AK7: variants seen among roughly 807,000 people sequenced by gnomAD.
AK7 encodes the protein adenylate kinase 7.
Under a neutral mutation model 96.6 loss-of-function variants are expected in AK7, and 78 were observed. The ratio of observed to expected loss-of-function variants is 0.81; its 90% CI spans 0.67 to 0.97. The LOEUF (loss-of-function observed/expected upper bound fraction) is 0.97, where lower values mean the gene tolerates loss of function less well. Among genes scored for constraint, AK7 ranks in the 50% least tolerant of loss-of-function variants. The probability of loss-of-function intolerance (pLI) is 0.00; values close to 1 mark genes in which losing one functional copy is unlikely to be tolerated. For missense variants in AK7, 855 were observed against 887.9 expected (o/e 0.96, Z 0.47); for synonymous variants, 302 against 317.2 (o/e 0.95, Z 0.51).
Position 96,483,132 on chromosome 14 carries a change from G to A in AK7, c.1887G>A (p.Arg629=), listed in dbSNP as rs752016722. The part of the protein sequence containing the change: ...AEEERKAAEE[R]LAREAAEEAE... ...AGGAGCGGAAGGCTGCGGAGGAGCGGCTGGCCAGGGAGGCTGCTGAGGAAG... is the reference window on the plus strand; with the variant it reads ...AGGAGCGGAAGGCTGCGGAGGAGCGACTGGCCAGGGAGGCTGCTGAGGAAG... The change falls in exon 16 of 18, where the codon CGG becomes CGA. Residue 629 remains arginine, a synonymous_variant. Coordinates refer to ENST00000267584, the MANE Select transcript of AK7 (RefSeq NM_152327.5). The A allele has an allele frequency of 6.8e-6, 11 of 1,614,062 alleles. No homozygotes were observed. The highest frequency in any genetic ancestry group is 1.6e-4 in the Middle Eastern group (1 of 6,062).
At chr14:96,396,846 G>A (rs1232272805) in intron 1 of AK7, among the ~76,000 whole-genome samples, 2 of 152,194 alleles carry the variant, frequency 1.3e-5, no homozygotes, top group African/African-American at 4.8e-5. Context: ...GTAGCCACTG[G>A]CCACATGTAG....
intron 6 of AK7, among the ~76,000 whole-genome samples, chr14:96,441,065 AGC>A (rs779280237): frequency 4.5e-4 from 69 of 152,254 alleles, no homozygotes; most frequent in Non-Finnish European, 5.3e-4. Context: ...GTCTTTGATC[AGC>A]TGTTCGACAT....
chr14:96,478,500 C>T lies in AK7; in HGVS notation c.1591C>T (p.Leu531=), dbSNP rs1419113577. The T allele has an allele frequency of 6.2e-7, 1 of 1,614,168 alleles. No homozygotes were observed. The highest frequency in any genetic ancestry group is 8.5e-7 in the Non-Finnish European group (1 of 1,180,030). The stretch of plus-strand genomic sequence containing the variant: ...TGCACTGGATGCTTCGGATGAGTTT[C>T]TGAAGGAGCGTGTGATAAACCTTCC... ...VCALDASDEF[L]KERVINLPES... The change falls in exon 15 of 18, where the codon CTG becomes TTG. Residue 531 remains leucine, a synonymous_variant. Coordinates refer to ENST00000267584, the MANE Select transcript of AK7 (RefSeq NM_152327.5).
chr14:96,452,166 A>C (rs1893642698), intron 10 of AK7, among the ~76,000 whole-genome samples: 1 of 152,244 alleles, frequency 6.6e-6, no homozygotes, highest in Admixed American at 6.5e-5. Flanking sequence ...ATCCTGTACA[A>C]CATAAAGTTT....
intron 14 of AK7, among the ~76,000 whole-genome samples, chr14:96,473,315 C>A (rs1050695008): frequency 1.3e-5 from 2 of 151,470 alleles, no homozygotes; most frequent in African/African-American, 4.8e-5. Flanking sequence ...GGACTACAGG[C>A]GCCTACCACC....
chr14:96,476,525 C>A (rs959642732), intron 14 of AK7, among the ~76,000 whole-genome samples: 29 of 144,856 alleles, frequency 2.0e-4, no homozygotes, highest in African/African-American at 6.1e-4. Context: ...AAAAAAAAAA[C>A]CATAGATTTT....
At chr14:96,424,266 G>T in intron 5 of AK7, 2 of 422,194 alleles carry the variant, frequency 4.7e-6, no homozygotes, top group South Asian at 4.8e-5. Flanking sequence ...GAGGCCAGGC[G>T]CCGGCGGCAG....
At chr14:96,394,052 T>G (rs1889911632) in intron 1 of AK7, among the ~76,000 whole-genome samples, 1 of 151,114 alleles carries the variant, frequency 6.6e-6, no homozygotes, top group South Asian at 2.1e-4. Flanking sequence ...GAGGTTGCAG[T>G]GAGCCGAGAT....
chr14:96,458,247 T>C (rs749532926), intron 12 of AK7, 35 bp downstream of exon 12: 1 of 1,593,316 alleles, frequency 6.3e-7, no homozygotes, highest in Non-Finnish European at 8.5e-7. Flanking sequence ...ACGCTGCTCT[T>C]GTGAACAGTG....
chr14:96,476,760 A>G (rs1895210687), intron 14 of AK7, among the ~76,000 whole-genome samples: 1 of 152,208 alleles, frequency 6.6e-6, no homozygotes, highest in Non-Finnish European at 1.5e-5. Context: ...CATATTAAAA[A>G]TCTTTGAAAA....
chr14:96,460,732 G>A (rs1281910887), intron 12 of AK7, among the ~76,000 whole-genome samples: 1 of 152,186 alleles, frequency 6.6e-6, no homozygotes, highest in African/African-American at 2.4e-5. Context: ...TGTCACCCAT[G>A]TTCCACTCAG....
intron 14 of AK7, among the ~76,000 whole-genome samples, chr14:96,474,606 C>A (rs887351199): frequency 6.6e-6 from 1 of 152,018 alleles, no homozygotes; most frequent in South Asian, 2.1e-4. Flanking sequence ...GCCTGGGCAA[C>A]AGAGCAAGAA....
At chr14:96,397,828 T>G (rs1890165226) in intron 1 of AK7, among the ~76,000 whole-genome samples, 1 of 152,232 alleles carries the variant, frequency 6.6e-6, no homozygotes, top group Non-Finnish European at 1.5e-5. Flanking sequence ...AGGAGTGCAG[T>G]ATCCGGAAAC....
In AK7 at chr14:96,408,838, GCC is replaced by G; in HGVS notation, c.404-6_404-5del. ...GTCCAAATAACCACTCTGCTTTTTG[GCC>G]CCACAGCACTCAGTGAAGAAGTCAG... On this transcript the variant is annotated splice_polypyrimidine_tract_variant and splice_region_variant and intron_variant, in intron 3 of 17. Transcript: ENST00000267584. The G allele has an allele frequency of 6.2e-7, 1 of 1,613,058 alleles. No homozygotes were observed. The highest frequency in any genetic ancestry group is 8.5e-7 in the Non-Finnish European group (1 of 1,179,696).
intron 12 of AK7, among the ~76,000 whole-genome samples, chr14:96,462,729 C>T (rs1005265329): frequency 6.6e-6 from 1 of 152,198 alleles, no homozygotes; most frequent in Non-Finnish European, 1.5e-5. Flanking sequence ...AATGTACCAA[C>T]TTGTTGATGT....
At chr14:96,449,288 G>T (rs912868221) in intron 8 of AK7, among the ~76,000 whole-genome samples, 4 of 152,186 alleles carry the variant, frequency 2.6e-5, no homozygotes, top group Non-Finnish European at 5.9e-5. Flanking sequence ...ATAAATATCT[G>T]TGTACAGTTC....
intron 5 of AK7, among the ~76,000 whole-genome samples, chr14:96,434,422 GTCTCTCTCTC>G (rs3077780): frequency 4.0e-3 from 598 of 148,674 alleles, no homozygotes; most frequent in Middle Eastern, 7.1e-3. Context: ...CTGTCTGTCT[GTCTCTCTCTC>G]TCTCTCTCTC....
At chr14:96,468,914 C>T (rs990632134) in intron 12 of AK7, among the ~76,000 whole-genome samples, 8 of 151,722 alleles carry the variant, frequency 5.3e-5, no homozygotes, top group Admixed American at 1.3e-4. Flanking sequence ...AAACAGAAAG[C>T]GCAGTTGCCT....
In AK7 at chr14:96,454,155, C is replaced by T. The variant is rs371475310; in HGVS notation, c.1099-2192C>T. Among the ~76,000 whole-genome samples, 3 of 152,268 alleles carry T rather than the reference C, an allele frequency of 2.0e-5. No individual in the cohort carries two copies. In the East Asian group the frequency reaches 5.8e-4, roughly 29 times the overall value. On this transcript the variant is annotated intron_variant, in intron 10 of 17. Coordinates refer to ENST00000267584, the MANE Select transcript of AK7 (RefSeq NM_152327.5). ...TTCCTTCACTGTCTTGGTTTCCTCA[C>T]CTGTCAAATGGTAGTAATGATATTA...
Sources: allele counts gnomAD v4.1 joint callset (sites outside exome capture counted in the v4.1 genomes callset), GRCh38; gene constraint gnomAD v4.1.1; transcripts MANE v1.5; gene names NCBI Gene and HGNC (gene_info 2026-07-23, HGNC 2026-07-21).